NFIB: variants seen among roughly 807,000 people sequenced by gnomAD.
NFIB encodes nuclear factor 1 B-type.
NFIB carries 11 observed loss-of-function variants against 61.5 expected under a neutral mutation model. That is an observed-to-expected ratio of 0.18 (90% CI 0.11 to 0.30). The LOEUF (loss-of-function observed/expected upper bound fraction) is 0.30. NFIB is among the 10% of genes least tolerant of loss of function. The pLI is 1.00. For synonymous variants in NFIB, 260 were observed against 216.5 expected (o/e 1.20, Z -1.76); for missense variants, 471 against 608.9 (o/e 0.77, Z 2.38).
chr9:14,465,701 A>T, the NFIB span, among the ~76,000 whole-genome samples: 1 of 152,070 alleles, frequency 6.6e-6, no homozygotes, highest in South Asian at 2.1e-4. Flanking sequence ...TGGGCTACCT[A>T]CAGTCACCAG....
At chr9:14,131,857 T>C (rs183059414) in intron 6 of NFIB, among the ~76,000 whole-genome samples, 19 of 152,154 alleles carry the variant, frequency 1.2e-4, no homozygotes, top group Non-Finnish European at 1.8e-4. Flanking sequence ...TAGAACTTCA[T>C]TGAAGTCAAC....
intron 2 of NFIB, among the ~76,000 whole-genome samples, chr9:14,202,368 A>G (rs949197149): frequency 3.3e-5 from 5 of 152,192 alleles, no homozygotes; most frequent in African/African-American, 9.7e-5. Context: ...AAATTCTCCG[A>G]CTTCCATTAT....
At chr9:14,506,615 C>T in the NFIB span, among the ~76,000 whole-genome samples, 1 of 152,186 alleles carries the variant, frequency 6.6e-6, no homozygotes, top group Admixed American at 6.5e-5. Flanking sequence ...GAAGTACCTA[C>T]ATATTGAAAA....
intron 1 of NFIB, among the ~76,000 whole-genome samples, chr9:14,329,939 C>G (rs1056362367): frequency 1.3e-5 from 2 of 151,680 alleles, no homozygotes; most frequent in Non-Finnish European, 2.9e-5. Context: ...CTGGCTAATA[C>G]GGTGAAACCC....
intron 3 of NFIB, among the ~76,000 whole-genome samples, chr9:14,163,855 T>A (rs964262817): frequency 6.6e-6 from 1 of 151,916 alleles, no homozygotes; most frequent in East Asian, 1.9e-4. Flanking sequence ...TTTAAGGCCA[T>A]ACTGTCTCAT....
chr9:14,408,851 C>G, the NFIB span, among the ~76,000 whole-genome samples: 3 of 151,966 alleles, frequency 2.0e-5, no homozygotes, highest in Non-Finnish European at 4.4e-5. Flanking sequence ...TTTTTTTAAT[C>G]CTCATAGCAA....
chr9:14,295,483 C>A (rs2059378092), intron 2 of NFIB, among the ~76,000 whole-genome samples: 1 of 151,756 alleles, frequency 6.6e-6, no homozygotes, highest in African/African-American at 2.4e-5. Context: ...AAAAAAAACT[C>A]AGCCGGGCGT....
intron 2 of NFIB, among the ~76,000 whole-genome samples, chr9:14,298,419 A>G (rs778974729): frequency 2.0e-5 from 3 of 152,196 alleles, no homozygotes; most frequent in African/African-American, 7.2e-5. Flanking sequence ...TGAAAAGTCA[A>G]CCTCAGACGA....
chr9:14,525,210 A>G, the NFIB span, among the ~76,000 whole-genome samples: 1 of 152,182 alleles, frequency 6.6e-6, no homozygotes, highest in Non-Finnish European at 1.5e-5. Context: ...AGAGGCATGA[A>G]ATGGCGCTGG....
chr9:14,101,701 A>G (rs2035808882), intron 10 of NFIB, among the ~76,000 whole-genome samples: 1 of 152,256 alleles, frequency 6.6e-6, no homozygotes. Flanking sequence ...ATAATACATA[A>G]GCGCAGCTGA....
chr9:14,264,483 A>T (rs1305991860), intron 2 of NFIB, among the ~76,000 whole-genome samples: 1 of 152,220 alleles, frequency 6.6e-6, no homozygotes, highest in Non-Finnish European at 1.5e-5. Flanking sequence ...CTCTCTGTGC[A>T]TTTAAGAGCA....
At chr9:14,249,253 T>A (rs189915635) in intron 2 of NFIB, among the ~76,000 whole-genome samples, 93 of 152,360 alleles carry the variant, frequency 6.1e-4, no homozygotes, top group African/African-American at 2.2e-3. Context: ...GCTTTACTGA[T>A]AAGCAAATTA....
chr9:14,101,938 T>A (rs896598442), intron 10 of NFIB, among the ~76,000 whole-genome samples: 27 of 152,142 alleles, frequency 1.8e-4, no homozygotes, highest in African/African-American at 6.0e-4. Flanking sequence ...AACAGTTAAA[T>A]TGACTAACCA....
At chr9:14,228,760 G>A (rs1419624387) in intron 2 of NFIB, among the ~76,000 whole-genome samples, 2 of 152,140 alleles carry the variant, frequency 1.3e-5, no homozygotes, top group African/African-American at 4.8e-5. Context: ...CATCTGAGAT[G>A]TCTCTTTGTA....
Position 14,304,906 on chromosome 9 carries a change from G to A in NFIB, c.562+2083C>T, listed in dbSNP as rs576974757. ...GGGGAAAACACAAAAGCATCCTGAC[G>A]TGAGTTTTTCAAAGGAAGAACCAAC... On this transcript the variant is annotated intron_variant, in intron 2 of 10. Coordinates refer to ENST00000380953, the MANE Select transcript of NFIB (RefSeq NM_001190737.2). Among the ~76,000 whole-genome samples, 6 of 152,168 alleles carry A rather than the reference G, an allele frequency of 3.9e-5. No homozygotes were observed. The East Asian group carries it at 7.7e-4, about 20-fold the overall frequency.
chr9:14,128,017 C>T (rs985060266), intron 6 of NFIB, among the ~76,000 whole-genome samples: 1 of 149,738 alleles, frequency 6.7e-6, no homozygotes, highest in Non-Finnish European at 1.5e-5. Context: ...AAAATTTAAA[C>T]CATGGTTTAA....
intron 2 of NFIB, among the ~76,000 whole-genome samples, chr9:14,196,439 G>A (rs765911379): frequency 5.9e-5 from 9 of 152,166 alleles, no homozygotes; most frequent in Non-Finnish European, 7.4e-5. Context: ...TCTAGTTTGC[G>A]GAAGGGGGTT....
chr9:14,229,991 C>A (rs1021930635), intron 2 of NFIB, among the ~76,000 whole-genome samples: 1 of 152,130 alleles, frequency 6.6e-6, no homozygotes, highest in African/African-American at 2.4e-5. Flanking sequence ...TTAGTAGAGA[C>A]AGGGTTTCTC....
chr9:14,482,093 C>T, the NFIB span, among the ~76,000 whole-genome samples: 3 of 146,142 alleles, frequency 2.1e-5, no homozygotes, highest in African/African-American at 7.7e-5. Context: ...TGACCACCAC[C>T]AGACCTTCCT....
Sources: gnomAD v4.1 joint callset for allele counts (sites outside exome capture counted in the v4.1 genomes callset) on GRCh38, gnomAD v4.1.1 for gene constraint, MANE v1.5 for transcripts, NCBI Gene and HGNC (gene_info 2026-07-23, HGNC 2026-07-21) for gene names.